The following NEGR1 variants were observed in gnomAD, a reference collection of about 807,000 sequenced individuals.
The protein encoded by NEGR1 is neuronal growth regulator 1, also known as IgLON family member 4.
A neutral mutation model predicts 40.9 loss-of-function variants in NEGR1; 10 were observed. The ratio of observed to expected loss-of-function variants is 0.24; its 90% CI spans 0.15 to 0.42. NEGR1 has a LOEUF of 0.42. Among genes scored for constraint, NEGR1 ranks in the 10% least tolerant of loss-of-function variants. The pLI, the probability that NEGR1 is intolerant of heterozygous loss-of-function variation, is 1.00. For synonymous variants in NEGR1, 185 were observed against 166.8 expected (o/e 1.11, Z -0.84); for missense variants, 352 against 438.9 (o/e 0.80, Z 1.77).
At chr1:71,949,423 C>T (rs1646049802) in intron 1 of NEGR1, among the ~76,000 whole-genome samples, 1 of 152,124 alleles carries the variant, frequency 6.6e-6, no homozygotes, top group African/African-American at 2.4e-5. Flanking sequence ...CTGTACAAGA[C>T]TCTGGCTTAT....
intron 1 of NEGR1, among the ~76,000 whole-genome samples, chr1:72,214,036 C>T (rs1280716422): frequency 6.6e-6 from 1 of 152,074 alleles, no homozygotes; most frequent in Non-Finnish European, 1.5e-5. Context: ...TCAGCTTCAT[C>T]CGTGGGAGGC....
intron 1 of NEGR1, among the ~76,000 whole-genome samples, chr1:72,083,397 G>C (rs980815320): frequency 3.3e-5 from 5 of 151,726 alleles, no homozygotes; most frequent in African/African-American, 1.2e-4. Context: ...TCCCAGGCCG[G>C]AATGCAGTGG....
intron 6 of NEGR1, among the ~76,000 whole-genome samples, chr1:71,426,215 T>C (rs1053992493): frequency 6.6e-6 from 1 of 152,168 alleles, no homozygotes; most frequent in Non-Finnish European, 1.5e-5. Context: ...ACGTATTTCT[T>C]TTACTTGTGC....
intron 2 of NEGR1, among the ~76,000 whole-genome samples, chr1:71,791,444 G>A (rs1657113388): frequency 6.6e-6 from 1 of 151,988 alleles, no homozygotes; most frequent in South Asian, 2.1e-4. Flanking sequence ...GGCCACAGTG[G>A]CAGTGTTTAG....
intron 2 of NEGR1, among the ~76,000 whole-genome samples, chr1:71,851,122 A>T (rs1257403727): frequency 6.6e-6 from 1 of 152,124 alleles, no homozygotes; most frequent in Non-Finnish European, 1.5e-5. Context: ...TCTACATGAC[A>T]GCAAAGGAAC....
intron 2 of NEGR1, among the ~76,000 whole-genome samples, chr1:71,928,537 CATAT>C (rs891064187): frequency 1.5e-5 from 2 of 131,428 alleles, no homozygotes; most frequent in Non-Finnish European, 1.6e-5. Flanking sequence ...CATCTATACA[CATAT>C]ATATACACAT....
At chr1:71,527,316 C>A (rs1647228283) in intron 6 of NEGR1, among the ~76,000 whole-genome samples, 2 of 151,404 alleles carry the variant, frequency 1.3e-5, no homozygotes, top group Middle Eastern at 3.4e-3. Context: ...CACCAGTTTC[C>A]CTACTTTTCT....
intron 1 of NEGR1, among the ~76,000 whole-genome samples, chr1:72,223,630 A>G (rs1266570034): frequency 6.6e-6 from 1 of 152,128 alleles, no homozygotes; most frequent in African/African-American, 2.4e-5. Flanking sequence ...AAATTACTCT[A>G]TACAAGTTAT....
At chr1:72,058,191 G>T (rs1158045408) in intron 1 of NEGR1, among the ~76,000 whole-genome samples, 1 of 151,476 alleles carries the variant, frequency 6.6e-6, no homozygotes, top group African/African-American at 2.4e-5. Context: ...ATGGAACTTT[G>T]CATATGATAT....
At chr1:71,464,543 C>A (rs1351225406) in intron 6 of NEGR1, among the ~76,000 whole-genome samples, 1 of 151,998 alleles carries the variant, frequency 6.6e-6, no homozygotes, top group South Asian at 2.1e-4. Flanking sequence ...TTTAAAAATA[C>A]CTGTTAAAAA....
At chr1:72,131,429 C>T (rs1448706164) in intron 1 of NEGR1, among the ~76,000 whole-genome samples, 1 of 151,950 alleles carries the variant, frequency 6.6e-6, no homozygotes, top group South Asian at 2.1e-4. Context: ...AATTAAATTC[C>T]AGCAAAGATG....
intron 5 of NEGR1, among the ~76,000 whole-genome samples, chr1:71,594,583 C>T (rs1365162484): frequency 6.6e-6 from 1 of 152,140 alleles, no homozygotes; most frequent in African/African-American, 2.4e-5. Flanking sequence ...CAAACTTTAG[C>T]TTGAGCAATA....
At chr1:71,840,117 G>C (rs1659186460) in intron 2 of NEGR1, among the ~76,000 whole-genome samples, 1 of 152,080 alleles carries the variant, frequency 6.6e-6, no homozygotes, top group South Asian at 2.1e-4. Context: ...TCCTGGAAGT[G>C]CTTGCTTTAC....
chr1:72,105,910 T>C (rs148247861), intron 1 of NEGR1, among the ~76,000 whole-genome samples: 25 of 152,210 alleles, frequency 1.6e-4, no homozygotes, highest in African/African-American at 5.3e-4. Context: ...CAGAAGATTT[T>C]TGGAAACATT....
chr1:71,597,458 C>CTGTGTGTG (rs1176723704), intron 5 of NEGR1, among the ~76,000 whole-genome samples: 73 of 65,490 alleles, frequency 1.1e-3, no homozygotes, highest in African/African-American at 3.9e-3. Context: ...CTCTCTCTCT[C>CTGTGTGTG]TCTCTCTCTC....
intron 1 of NEGR1, among the ~76,000 whole-genome samples, chr1:72,043,633 T>C (rs538634618): frequency 3.9e-4 from 59 of 152,080 alleles, no homozygotes; most frequent in African/African-American, 1.4e-3. Flanking sequence ...AAAGCTAGCA[T>C]AACTGTGTTG....
rs910727069 is a variant in NEGR1 at position 71,843,632 on chromosome 1, G to A, written c.410-67335C>T. ...CACAGGAGACAGTTGATAACAATTG[G>A]GGTAGTAAAACATTCGTAATAGTTT... On this transcript the variant is annotated intron_variant, in intron 2 of 6. Transcript: ENST00000357731. Among the ~76,000 whole-genome samples the A allele has an allele frequency of 3.9e-5, 6 of 152,092 alleles. No individual in the cohort carries two copies. In the South Asian group the frequency reaches 1.0e-3, roughly 26 times the overall value.
At chr1:71,622,690 A>G (rs1341903373) in intron 4 of NEGR1, among the ~76,000 whole-genome samples, 2 of 152,014 alleles carry the variant, frequency 1.3e-5, no homozygotes, top group African/African-American at 4.8e-5. Flanking sequence ...AGGCTCATAT[A>G]TACATTCGAG....
At chr1:71,748,180 T>C (rs951156971) in intron 3 of NEGR1, among the ~76,000 whole-genome samples, 3 of 152,194 alleles carry the variant, frequency 2.0e-5, no homozygotes, top group African/African-American at 7.2e-5. Flanking sequence ...AATAATTATT[T>C]TGACACACAA....
Sources: allele counts gnomAD v4.1 joint callset (sites outside exome capture counted in the v4.1 genomes callset), GRCh38; gene constraint gnomAD v4.1.1; transcripts MANE v1.5; gene names NCBI Gene and HGNC (gene_info 2026-07-23, HGNC 2026-07-21).